TANGO2: variants seen among roughly 807,000 people sequenced by gnomAD.
TANGO2 encodes the protein transport and golgi organization 2 homolog.
TANGO2 carries 26 observed loss-of-function variants against 39.1 expected under a neutral mutation model. The observed-to-expected ratio is 0.67, with a 90% CI of 0.49 to 0.92. The LOEUF (loss-of-function observed/expected upper bound fraction) is 0.92, where lower values mean the gene tolerates loss of function less well. TANGO2 is among the 40% of genes least tolerant of loss of function. The pLI, the probability that TANGO2 is intolerant of heterozygous loss-of-function variation, is 0.00. For synonymous variants in TANGO2, 131 were observed against 144.5 expected (o/e 0.91, Z 0.67); for missense variants, 326 against 360.1 (o/e 0.91, Z 0.77).
chr22:20,038,935 T>TTATTA (rs777036654), intron 2 of TANGO2, among the ~76,000 whole-genome samples: 1 of 150,354 alleles, frequency 6.7e-6, no homozygotes, highest in Non-Finnish European at 1.5e-5. Context: ...GTTTTTTTTT[T>TTATTA]TTATTATTAT....
chr22:20,033,366 T>C (rs9605051), intron 1 of TANGO2: 170,388 of 380,056 alleles, frequency 0.45, 41,904 homozygotes, highest in Middle Eastern at 0.54. Context: ...CTGCTGCCCC[T>C]GCACCCTGGC....
chr22:20,025,061 T>A (rs909958342), intron 1 of TANGO2, among the ~76,000 whole-genome samples: 3 of 151,284 alleles, frequency 2.0e-5, no homozygotes, highest in Non-Finnish European at 4.4e-5. Context: ...ATTTTCTTTT[T>A]TTTTGCGTTT....
At chr22:20,042,361 G>A (rs900081551) in intron 2 of TANGO2, among the ~76,000 whole-genome samples, 1 of 152,126 alleles carries the variant, frequency 6.6e-6, no homozygotes, top group Non-Finnish European at 1.5e-5. Flanking sequence ...TCACTGCTGT[G>A]TCCTTATTTG....
chr22:20,023,340 C>T (rs935876815), intron 1 of TANGO2, among the ~76,000 whole-genome samples: 5 of 152,088 alleles, frequency 3.3e-5, no homozygotes, highest in African/African-American at 4.8e-5. Context: ...GGGGCCGCTG[C>T]GAGGCTGGCC....
At chr22:20,055,356 C>G (rs1416302193) in intron 5 of TANGO2, 1 of 157,090 alleles carries the variant, frequency 6.4e-6, no homozygotes, top group Non-Finnish European at 1.4e-5. Flanking sequence ...AACTCCTGGC[C>G]TCAAGCAGTC....
In TANGO2 at chr22:20,046,252, C is replaced by T. The variant is rs190994630; in HGVS notation, c.145+2809C>T. ...CCTCTAACTCCTGGCCTCAAGTGAT[C>T]CTCCCACCTCAGCCTCCCTAGTAGC... is the stretch of plus-strand genomic sequence containing the variant. On this transcript the variant is annotated intron_variant, in intron 3 of 8. Transcript: ENST00000327374. Among the ~76,000 whole-genome samples the T allele has an allele frequency of 4.5e-3, 685 of 151,676 alleles. 3 individuals are homozygous for T. Among genetic ancestry groups the T allele is most frequent in the Non-Finnish European group, 6.0e-3 (407 of 67,920 alleles).
chr22:20,038,218 C>T (rs2043223695), intron 2 of TANGO2, among the ~76,000 whole-genome samples: 1 of 152,214 alleles, frequency 6.6e-6, no homozygotes, highest in South Asian at 2.1e-4. Context: ...ACCGAGAAGA[C>T]CCTCAAAAGG....
At chr22:20,020,341 T>G (rs1601743808), upstream of TANGO2, among the ~76,000 whole-genome samples, 1 of 152,290 alleles carries the variant, frequency 6.6e-6, no homozygotes, top group East Asian at 1.9e-4. Context: ...TTCTGCCACA[T>G]AGGCCCAGGC....
chr22:20,055,858 A>G (rs949235507), intron 5 of TANGO2, 85 bp from the exon 6 acceptor site: 2 of 1,260,862 alleles, frequency 1.6e-6, no homozygotes, highest in Non-Finnish European at 2.3e-6. Context: ...GCTAGCCTCC[A>G]GAAACAGGGC....
At position 20,036,299 on chromosome 22, in the gene TANGO2, G is replaced by T. The variant is rs372979802; in HGVS notation, c.-39-461G>T. ...AGGGGATAAATTGCTTGTCGAAACT[G>T]TGCTGGGTGTGCCTGTCTGACACCT... On this transcript the variant is annotated intron_variant, in intron 1 of 8. Transcript: ENST00000327374. 3.9e-5 allele frequency among the ~76,000 whole-genome samples: 6 copies of T among 152,200 alleles called. No homozygotes were observed. The East Asian group carries it at 9.6e-4, about 24-fold the overall frequency.
intron 3 of TANGO2, among the ~76,000 whole-genome samples, chr22:20,043,697 T>C (rs891874903): frequency 6.6e-6 from 1 of 152,104 alleles, no homozygotes; most frequent in Admixed American, 6.5e-5. Context: ...CATCAGTTGG[T>C]TTTATATGGA....
intron 1 of TANGO2, among the ~76,000 whole-genome samples, chr22:20,025,583 G>C (rs2040580854): frequency 6.6e-6 from 1 of 152,080 alleles, no homozygotes; most frequent in South Asian, 2.1e-4. Context: ...CCTAGACCAG[G>C]TGGCCCTGCC....
chr22:20,021,004 T>TGCGGC (rs1214500711), upstream of TANGO2: 2 of 151,864 alleles, frequency 1.3e-5, no homozygotes. Context: ...GACGCCGGCA[T>TGCGGC]GCGGCGCGCC....
At chr22:20,061,469 G>T (rs925092619) in intron 6 of TANGO2, 61 bp from the exon 7 acceptor site, 3 of 1,517,918 alleles carry the variant, frequency 2.0e-6, no homozygotes, top group Non-Finnish European at 2.7e-6. Context: ...GTGGCAGGTG[G>T]CAATTTGCCC....
In TANGO2 at chr22:20,055,935, G is replaced by T. The variant is rs745958526; in HGVS notation, c.381-8G>T. ...TGTAGTCTGACATTCTCTCCCCTTG[G>T]CCTGCAGCACAGCAAAGGGAGACGT... On this transcript the variant is annotated splice_region_variant and splice_polypyrimidine_tract_variant and intron_variant, in intron 5 of 8. Coordinates refer to ENST00000327374, the MANE Select transcript of TANGO2 (RefSeq NM_152906.7). The T allele has an allele frequency of 1.2e-6, 2 of 1,612,724 alleles. No homozygotes were observed. The highest frequency in any genetic ancestry group is 1.7e-6 in the Non-Finnish European group (2 of 1,178,876).
intron 1 of TANGO2, among the ~76,000 whole-genome samples, chr22:20,032,858 C>T (rs2042124677): frequency 6.6e-6 from 1 of 152,254 alleles, no homozygotes; most frequent in African/African-American, 2.4e-5. Context: ...GCCCTGCGCC[C>T]AGATCAAGAT....
chr22:20,044,000 A>T (rs2044547367), intron 3 of TANGO2, among the ~76,000 whole-genome samples: 1 of 152,176 alleles, frequency 6.6e-6, no homozygotes, highest in Non-Finnish European at 1.5e-5. Context: ...TCCCCACCAA[A>T]GATACCAGCC....
In TANGO2 at chr22:20,026,082, C is replaced by T. The variant is rs2040684795; in HGVS notation, c.-40+4836C>T. Among the ~76,000 whole-genome samples the T allele has an allele frequency of 2.0e-5, 3 of 152,344 alleles. No individual in the cohort carries two copies. In the South Asian group the frequency reaches 6.2e-4, roughly 32 times the overall value. ...TGGTCCCCACCTCACAGCAGTCGCA[C>T]AGGCAGACAGTGGGCAGATCCAAGA... is the stretch of plus-strand genomic sequence containing the variant. On this transcript the variant is annotated intron_variant, in intron 1 of 8. Coordinates refer to ENST00000327374, the MANE Select transcript of TANGO2 (RefSeq NM_152906.7).
intron 2 of TANGO2, among the ~76,000 whole-genome samples, chr22:20,039,192 C>T (rs530384694): frequency 2.2e-3 from 340 of 151,460 alleles, no homozygotes; most frequent in Non-Finnish European, 2.6e-3. Flanking sequence ...CCTCAGCCTC[C>T]CAAAATGCTG....
Sources: gnomAD v4.1 joint callset for allele counts (sites outside exome capture counted in the v4.1 genomes callset) on GRCh38, gnomAD v4.1.1 for gene constraint, MANE v1.5 for transcripts, NCBI Gene and HGNC (gene_info 2026-07-23, HGNC 2026-07-21) for gene names.